Variants in RTN4 observed in about 807,000 individuals in gnomAD.
RTN4 encodes reticulon-4.
Under a neutral mutation model 90.4 loss-of-function variants are expected in RTN4, and 32 were observed. The observed-to-expected ratio is 0.35, with a 90% CI of 0.27 to 0.48. RTN4 has a LOEUF of 0.48. Ranked by LOEUF, RTN4 falls within the 20% of genes least tolerant of loss-of-function variation. RTN4 has a pLI of 0.99. For synonymous variants in RTN4, 629 were observed against 552.5 expected, an observed-to-expected ratio of 1.14 and a Z score of -1.94; for missense variants, 1,706 against 1,430.2, an observed-to-expected ratio of 1.19 and a Z score of -3.11.
Position 55,025,174 on chromosome 2 carries a change from T to C in RTN4, c.2925A>G (p.Lys975=), listed in dbSNP as rs368860803. The change falls in exon 3 of 9, where the codon AAA becomes AAG. Residue 975 remains lysine (K), a synonymous_variant. Coordinates refer to ENST00000337526, the MANE Select transcript of RTN4 (RefSeq NM_020532.5). ...ESIVKPKVLV[K]EAEKKLPSDT... ...CGGAAGGAAGTTTTTTCTCAGCTTC[T>C]TTCACAAGAACTTTGGGTTTAACTA... 5.6e-6 allele frequency: 9 copies of C among 1,613,826 alleles called. No homozygotes were observed. In the East Asian group the frequency reaches 6.7e-5, roughly 12 times the overall value.
At chr2:55,094,233 A>T (rs1573513337) in intron 1 of RTN4, among the ~76,000 whole-genome samples, 1 of 152,308 alleles carries the variant, frequency 6.6e-6, no homozygotes, top group Admixed American at 6.5e-5. Context: ...ATGAGGACAC[A>T]GTGAGAAGGC....
upstream of RTN4, among the ~76,000 whole-genome samples, chr2:55,053,953 G>A (rs979902228): frequency 6.6e-6 from 1 of 152,166 alleles, no homozygotes; most frequent in Non-Finnish European, 1.5e-5. Flanking sequence ...TGATAGTGGA[G>A]ACTCAGAAGA....
At chr2:54,977,097 C>CTT (rs925741292) in intron 5 of RTN4, among the ~76,000 whole-genome samples, 1 of 152,118 alleles carries the variant, frequency 6.6e-6, no homozygotes, top group African/African-American at 2.4e-5. Context: ...GAAGGGGTAT[C>CTT]TTTAAGGCAA....
the RTN4 span, among the ~76,000 whole-genome samples, chr2:55,125,856 T>C: frequency 7.1e-6 from 1 of 140,046 alleles, no homozygotes; most frequent in Non-Finnish European, 1.6e-5. Flanking sequence ...GGTCAGGAGA[T>C]CAAGACCATC....
Position 55,027,252 on chromosome 2 carries a change from G to T in RTN4, c.847C>A (p.Leu283Ile). ...TCTGTTAAATCTCTATCTATGAGTA[G>T]AGTTTTTGCCTTCTCTGAGACCTCT... ...SKEVSEKAKTLLIDRDLTEFS... is the reference protein window; with the variant it reads ...SKEVSEKAKTILIDRDLTEFS... Residue 283 changes from leucine to isoleucine, a missense_variant, in exon 3 of 9, where the codon CTA (leucine) becomes ATA (isoleucine). Coordinates refer to ENST00000337526, the MANE Select transcript of RTN4 (RefSeq NM_020532.5). 6.2e-7 allele frequency: 1 copy of T among 1,613,748 alleles called. No individual in the cohort carries two copies. The highest frequency in any genetic ancestry group is 8.5e-7 in the Non-Finnish European group (1 of 1,179,826).
At position 54,972,852 on chromosome 2, in the gene RTN4, A is replaced by ACTAT. The variant is rs1232692539; in HGVS notation, c.*300_*303dup. The stretch of plus-strand genomic sequence containing the variant: ...CTGCAACTTGCCAAGATGCGGCAAG[A>ACTAT]CTATCTGCAACAAAGTAAAATATAC... On this transcript the variant is annotated 3_prime_UTR_variant, in exon 9 of 9. Coordinates refer to ENST00000337526, the MANE Select transcript of RTN4 (RefSeq NM_020532.5). 1.6e-4 allele frequency: 42 copies of ACTAT among 268,942 alleles called. No homozygotes were observed. Among genetic ancestry groups the ACTAT allele is most frequent in the African/African-American group, 3.1e-4 (14 of 44,764 alleles). The allele number at this position is 268,942 out of a possible 1,614,324, so 16.7% of individuals were successfully genotyped here. A position where few individuals can be genotyped will look rare whatever the true frequency, so the allele number is the denominator to read the frequency against.
intron 6 of RTN4, 137 bp downstream of exon 6, chr2:54,974,558 G>C (rs1677448815): frequency 2.8e-6 from 2 of 714,984 alleles, no homozygotes; most frequent in Non-Finnish European, 4.9e-6. Context: ...TGGGATTACA[G>C]GCATGAGCTA....
At position 55,010,209 on chromosome 2, in the gene RTN4, A is replaced by G; in HGVS notation, c.3013+14877T>C. On this transcript the variant is annotated intron_variant, in intron 3 of 8. Transcript: ENST00000337526. ...ACTGCACAAACCTACTCCCTGAGAC[A>G]TGAAATACCCGTTTCCTCAACCGAA... 4 of 1,597,750 alleles carry G rather than the reference A, an allele frequency of 2.5e-6. No individual in the cohort carries two copies. In the South Asian group the frequency reaches 4.4e-5, roughly 18 times the overall value.
At chr2:55,067,906 G>C (rs1573495022) in intron 2 of RTN4, among the ~76,000 whole-genome samples, 2 of 152,278 alleles carry the variant, frequency 1.3e-5, no homozygotes, top group East Asian at 3.9e-4. Context: ...ACATTTTTAT[G>C]AGAAATAGCT....
At chr2:55,013,527 C>A (rs539189927) in intron 3 of RTN4, among the ~76,000 whole-genome samples, 1 of 143,202 alleles carries the variant, frequency 7.0e-6, no homozygotes, top group Non-Finnish European at 1.5e-5. Context: ...GTAGGAAATA[C>A]GCATAAATCA....
intron 3 of RTN4, among the ~76,000 whole-genome samples, chr2:55,007,780 C>G (rs749209638): frequency 7.9e-5 from 12 of 152,030 alleles, no homozygotes; most frequent in Non-Finnish European, 1.5e-4. Flanking sequence ...TAATCTAGTT[C>G]ATCTAAATTT....
rs184739010 is a variant in RTN4, at chr2:55,041,790, C to A, written c.556+7955G>T. On this transcript the variant is annotated intron_variant, in intron 1 of 8. Transcript: ENST00000337526. ...AAACATGGGGGAAAATTTTTATGAT[C>A]CTCAAGAAGGATTTTCTAAGGATTA... Among the ~76,000 whole-genome samples the A allele has an allele frequency of 7.9e-5, 12 of 151,918 alleles. No individual in the cohort carries two copies. In the East Asian group the frequency reaches 2.3e-3, roughly 29 times the overall value.
At position 55,094,475 on chromosome 2, in the gene RTN4, T is replaced by C. The variant is rs1417758148; in HGVS notation, c.-213-13836A>G. On this transcript the variant is annotated intron_variant, in intron 1 of 3. Transcript: ENST00000427710. ...CTGGGTACTGTTGCGCAGTGAAGTA[T>C]AGAGCAGTGACCAATCAGGTGAGCT... Among the ~76,000 whole-genome samples, 4 of 152,228 alleles carry C rather than the reference T, an allele frequency of 2.6e-5. No individual in the cohort carries two copies. The East Asian group carries it at 5.8e-4, about 22-fold the overall frequency.
intron 1 of RTN4, among the ~76,000 whole-genome samples, chr2:55,103,013 G>A (rs1389933481): frequency 6.6e-6 from 1 of 151,010 alleles, no homozygotes; most frequent in Non-Finnish European, 1.5e-5. Flanking sequence ...AGCTACTAGG[G>A]AGGCTGAGGC....
chr2:55,099,251 C>T (rs746511905), intron 1 of RTN4, among the ~76,000 whole-genome samples: 3 of 152,016 alleles, frequency 2.0e-5, no homozygotes, highest in Non-Finnish European at 4.4e-5. Flanking sequence ...AGTTGCCTCC[C>T]AATCATCTTC....
At chr2:55,006,677 A>G (rs1558795063) in intron 3 of RTN4, among the ~76,000 whole-genome samples, 1 of 152,192 alleles carries the variant, frequency 6.6e-6, no homozygotes, top group African/African-American at 2.4e-5. Context: ...TCCAAAGAGT[A>G]CTGTAACAAT....
At chr2:55,096,039 G>A (rs534824816) in intron 1 of RTN4, among the ~76,000 whole-genome samples, 20 of 152,118 alleles carry the variant, frequency 1.3e-4, no homozygotes, top group Non-Finnish European at 2.4e-4. Context: ...ATATAAGAGC[G>A]CATGCTGGGC....
At chr2:55,042,289 A>G (rs1037727962) in intron 1 of RTN4, among the ~76,000 whole-genome samples, 18 of 152,194 alleles carry the variant, frequency 1.2e-4, no homozygotes, top group Non-Finnish European at 1.8e-4. Context: ...GCACAGATTT[A>G]TCCTACAACA....
At chr2:55,112,133 G>A (rs1406176779) in intron 1 of RTN4, among the ~76,000 whole-genome samples, 1 of 152,210 alleles carries the variant, frequency 6.6e-6, no homozygotes, top group African/African-American at 2.4e-5. Flanking sequence ...CCCCTGTGGG[G>A]GAGCGTGTTC....
Sources: gnomAD v4.1 joint callset for allele counts (sites outside exome capture counted in the v4.1 genomes callset) on GRCh38, gnomAD v4.1.1 for gene constraint, MANE v1.5 for transcripts, NCBI Gene and HGNC (gene_info 2026-07-23, HGNC 2026-07-21) for gene names.